Variants in TFAP2C observed in about 807,000 individuals in gnomAD.
TFAP2C encodes transcription factor AP-2 gamma, also known as activating enhancer-binding protein 2 gamma.
A neutral mutation model predicts 42.9 loss-of-function variants in TFAP2C; 9 were observed. The observed-to-expected ratio is 0.21, with a 90% CI of 0.13 to 0.37. TFAP2C has a LOEUF of 0.37. TFAP2C is among the 10% of genes least tolerant of loss of function. TFAP2C has a pLI of 1.00. For missense variants in TFAP2C, 462 were observed against 591.7 expected (o/e 0.78, Z 2.27); for synonymous variants, 264 against 256.0 (o/e 1.03, Z -0.30).
In TFAP2C at chr20:56,630,648, T is replaced by C; in HGVS notation, c.49-557T>C. On this transcript the variant is annotated intron_variant, in intron 1 of 6. Coordinates refer to ENST00000201031, the MANE Select transcript of TFAP2C (RefSeq NM_003222.4). This position sits in a 1 kb window ranked among gnomAD's most constrained non-coding sequence, Gnocchi z 5.1. ...CAGGGCGGCGCAGGGTGGCGGGCCC[T>C]GCTTTCCGAGCGCCGCCCGCTCGGA... is the stretch of plus-strand genomic sequence containing the variant. 2.0e-6 allele frequency: 2 copies of C among 977,990 alleles called. No homozygotes were observed. Among genetic ancestry groups the C allele is most frequent in the Non-Finnish European group, 2.4e-6 (2 of 823,204 alleles). The allele number at this position is 977,990 out of a possible 1,614,324, so 60.6% of individuals were successfully genotyped here. A position where few individuals can be genotyped will look rare whatever the true frequency, so the allele number is the denominator to read the frequency against.
chr20:56,635,071 AC>A (rs754630810), intron 5 of TFAP2C, among the ~76,000 whole-genome samples: 1 of 152,172 alleles, frequency 6.6e-6, no homozygotes, highest in Non-Finnish European at 1.5e-5. Flanking sequence ...CCGTGGCAGT[AC>A]CCTCTTTTGA....
In TFAP2C at chr20:56,630,853, C is replaced by A. The variant is rs1242898953; in HGVS notation, c.49-352C>A. 3.0e-6 allele frequency: 3 copies of A among 985,266 alleles called. No homozygotes were observed. The highest frequency in any genetic ancestry group is 3.6e-6 in the Non-Finnish European group (3 of 829,914). The allele number at this position is 985,266 out of a possible 1,614,324, so 61.0% of individuals were successfully genotyped here. A position where few individuals can be genotyped will look rare whatever the true frequency, so the allele number is the denominator to read the frequency against. ...CCGGCTCCTTCGCCCCGGGCTCTGG[C>A]TCCTTCGCCCCGGGCTCCGGCCACG... On this transcript the variant is annotated intron_variant, in intron 1 of 6. Transcript: ENST00000201031. This position sits in a 1 kb window ranked among gnomAD's most constrained non-coding sequence, Gnocchi z 5.1.
Position 56,636,700 on chromosome 20 carries a change from A to G in TFAP2C, c.1013A>G (p.His338Arg), listed in dbSNP as rs754376944. 1.4e-5 allele frequency: 23 copies of G among 1,613,936 alleles called. No individual in the cohort carries two copies. Among genetic ancestry groups the G allele is most frequent in the Non-Finnish European group, 1.8e-5 (21 of 1,179,870 alleles). The change falls in exon 6 of 7, where the codon CAT becomes CGT. Residue 338 changes from histidine to arginine, a missense_variant. Transcript: ENST00000201031. ...KPVAEYLTRP[H>R]LGGRNEMAAR... ...GTGGCAGAATATTTAACCAGACCTCATCTTGGAGGACGAAATGAGATGGCA... is the reference window on the plus strand; with the variant it reads ...GTGGCAGAATATTTAACCAGACCTCGTCTTGGAGGACGAAATGAGATGGCA...
In TFAP2C at chr20:56,634,143, T is replaced by C; in HGVS notation, c.804-7T>C. 2 of 1,607,348 alleles carry C rather than the reference T, an allele frequency of 1.2e-6. No individual in the cohort carries two copies. Among genetic ancestry groups the C allele is most frequent in the Non-Finnish European group, 8.5e-7 (1 of 1,176,462 alleles). On this transcript the variant is annotated splice_polypyrimidine_tract_variant and splice_region_variant and intron_variant, in intron 4 of 6. Transcript: ENST00000201031. ...GAGTAGCCAGAGTCAATTTTTCTTT[T>C]TCTTAGAGCCAAATCGAAAAATGGA...
intron 6 of TFAP2C, 75 bp downstream of exon 6, chr20:56,636,829 G>A: frequency 6.8e-7 from 1 of 1,479,994 alleles, no homozygotes; most frequent in Non-Finnish European, 9.1e-7. Flanking sequence ...CCCCTCCACA[G>A]TCCCGATGGC....
chr20:56,633,029 G>T (rs1987521634), intron 3 of TFAP2C, among the ~76,000 whole-genome samples: 1 of 152,088 alleles, frequency 6.6e-6, no homozygotes, highest in Non-Finnish European at 1.5e-5. Context: ...TTTGAGACCA[G>T]CCTGGCTAAC....
chr20:56,635,047 G>A (rs377488480), intron 5 of TFAP2C, among the ~76,000 whole-genome samples: 90 of 152,362 alleles, frequency 5.9e-4, no homozygotes, highest in African/African-American at 2.0e-3. Flanking sequence ...GGAAGCCAAG[G>A]AGAAACGGGC....
rs1459743769 is a variant in TFAP2C, at chr20:56,629,586, C to T, written c.42C>T (p.Asp14=). 6.3e-6 allele frequency: 9 copies of T among 1,422,832 alleles called. No homozygotes were observed. The highest frequency in any genetic ancestry group is 8.3e-6 in the Non-Finnish European group (9 of 1,087,154). 88.1% of individuals were successfully genotyped at this position (1,422,832 alleles called of 1,614,324 possible). ...KITDNVKYEE[D]CEDRHDGSSN... is the part of the protein sequence containing the mutation. ...CCGATAATGTCAAGTACGAAGAGGA[C>T]TGCGAGGTGAGCTGGGGCTCCGGGG... Residue 14 remains aspartate, a synonymous_variant, in exon 1 of 7, where the codon GAC becomes GAT. Coordinates refer to ENST00000201031, the MANE Select transcript of TFAP2C (RefSeq NM_003222.4). The surrounding 1 kb of genome is among the most constrained non-coding windows in gnomAD (Gnocchi z 5.9).
Position 56,629,610 on chromosome 20 carries a change from G to C in TFAP2C, c.48+18G>C. 7.1e-7 allele frequency: 1 copy of C among 1,403,400 alleles called. No individual in the cohort carries two copies. Among genetic ancestry groups the C allele is most frequent in the Non-Finnish European group, 9.3e-7 (1 of 1,079,392 alleles). The allele number at this position is 1,403,400 out of a possible 1,614,324, so 86.9% of individuals were successfully genotyped here. A position where few individuals can be genotyped will look rare whatever the true frequency, so the allele number is the denominator to read the frequency against. On this transcript the variant is annotated intron_variant, in intron 1 of 6. Transcript: ENST00000201031. The surrounding 1 kb of genome is among the most constrained non-coding windows in gnomAD (Gnocchi z 5.9). Reference sequence around the variant, plus strand: ...ACTGCGAGGTGAGCTGGGGCTCCGGGGTGCAGCCCCGCCCCGCCGAGGACA... The same window carrying C: ...ACTGCGAGGTGAGCTGGGGCTCCGGCGTGCAGCCCCGCCCCGCCGAGGACA...
In TFAP2C at chr20:56,634,183, G is replaced by T; in HGVS notation, c.837G>T (p.Arg279=). 6.2e-7 allele frequency: 1 copy of T among 1,614,132 alleles called. No individual in the cohort carries two copies. Among genetic ancestry groups the T allele is most frequent in the Admixed American group, 1.7e-5 (1 of 60,008 alleles). Residue 279 remains arginine, a synonymous_variant, in exon 5 of 7, where the codon CGG becomes CGT. Coordinates refer to ENST00000201031, the MANE Select transcript of TFAP2C (RefSeq NM_003222.4). ...AKSKNGGRSL[R]EKLDKIGLNL... ...CGAAAAATGGAGGCCGGTCCTTGCG[G>T]GAGAAGTTGGACAAGATTGGGTTGA...
Position 56,630,910 on chromosome 20 carries a change from C to T in TFAP2C, c.49-295C>T. On this transcript the variant is annotated intron_variant, in intron 1 of 6. Coordinates refer to ENST00000201031, the MANE Select transcript of TFAP2C (RefSeq NM_003222.4). This position sits in a 1 kb window ranked among gnomAD's most constrained non-coding sequence, Gnocchi z 5.1. ...TCTGGCCCAAGACCCAGGGTTCGGA[C>T]TTGGCGCCTCCAAGCGCCTCGGGCT... is the stretch of plus-strand genomic sequence containing the variant. The T allele has an allele frequency of 1.0e-6, 1 of 985,432 alleles. No individual in the cohort carries two copies. Among genetic ancestry groups the T allele is most frequent in the Non-Finnish European group, 1.2e-6 (1 of 829,930 alleles). 61.0% of individuals were successfully genotyped at this position (985,432 alleles called of 1,614,324 possible).
chr20:56,630,346 G>T lies in TFAP2C; in HGVS notation c.48+754G>T. 1 of 452,596 alleles carries T rather than the reference G, an allele frequency of 2.2e-6. No homozygotes were observed. The highest frequency in any genetic ancestry group is 1.6e-5 in the South Asian group (1 of 63,224). 28.0% of individuals were successfully genotyped at this position (452,596 alleles called of 1,614,324 possible). A position where few individuals can be genotyped will look rare whatever the true frequency, so the allele number is the denominator to read the frequency against. ...CCCGCAGGCCCGGGCGCTTCCGCCA[G>T]GAGGCGACAGCGCCATGTTCCTCCA... On this transcript the variant is annotated intron_variant, in intron 1 of 6. Transcript: ENST00000201031. The surrounding 1 kb of genome is among the most constrained non-coding windows in gnomAD (Gnocchi z 5.1).
In TFAP2C at chr20:56,634,013, G is replaced by T. The variant is rs556780851; in HGVS notation, c.804-137G>T. The T allele has an allele frequency of 2.1e-5, 14 of 673,008 alleles. 1 individual carries two copies. The highest frequency in any genetic ancestry group is 1.4e-4 in the African/African-American group (8 of 55,840). The allele number at this position is 673,008 out of a possible 1,614,324, so 41.7% of individuals were successfully genotyped here. A position where few individuals can be genotyped will look rare whatever the true frequency, so the allele number is the denominator to read the frequency against. ...GGACCCTGCTATCACTTTTCATTATGGTTCACGTGATGTAGATAGTCTTTG... is the reference window on the plus strand; with the variant it reads ...GGACCCTGCTATCACTTTTCATTATTGTTCACGTGATGTAGATAGTCTTTG... On this transcript the variant is annotated intron_variant, in intron 4 of 6. Transcript: ENST00000201031.
Position 56,630,320 on chromosome 20 carries a change from G to A in TFAP2C, c.48+728G>A, listed in dbSNP as rs1009022730. On this transcript the variant is annotated intron_variant, in intron 1 of 6. Transcript: ENST00000201031. This position sits in a 1 kb window ranked among gnomAD's most constrained non-coding sequence, Gnocchi z 5.1. ...CTCCGGGCCCTGGAGGGCTGCCCCT[G>A]CCCGCAGGCCCGGGCGCTTCCGCCA... 3 of 418,288 alleles carry A rather than the reference G, an allele frequency of 7.2e-6. No homozygotes were observed. The highest frequency in any genetic ancestry group is 1.6e-5 in the South Asian group (1 of 60,748). The allele number at this position is 418,288 out of a possible 1,614,324, so 25.9% of individuals were successfully genotyped here.
chr20:56,636,487 C>T (rs1568753214), intron 5 of TFAP2C, 123 bp from the exon 6 acceptor site: 10 of 1,093,186 alleles, frequency 9.1e-6, no homozygotes, highest in Non-Finnish European at 1.1e-5. Flanking sequence ...GATCGGGCCA[C>T]TGCACTCCAG....
At position 56,631,259 on chromosome 20, in the gene TFAP2C, G is replaced by C. The variant is rs775607231; in HGVS notation, c.103G>C (p.Ala35Pro). The change falls in exon 2 of 7, where the codon GCC becomes CCC. Residue 35 changes from alanine to proline, a missense_variant. Ala to Pro is a conservative substitution (Grantham distance 27, BLOSUM62 -1). Transcript: ENST00000201031. The surrounding 1 kb of genome is among the most constrained non-coding windows in gnomAD (Gnocchi z 6.1). ...TCCGCGGGTCCCCCACCTCTCCTCCGCCGGGCAGCACCTCTACAGCCCCGC... is the reference window on the plus strand; with the variant it reads ...TCCGCGGGTCCCCCACCTCTCCTCCCCCGGGCAGCACCTCTACAGCCCCGC... ...GNPRVPHLSS[A>P]GQHLYSPAPP... 6 of 1,580,628 alleles carry C rather than the reference G, an allele frequency of 3.8e-6. No homozygotes were observed. The highest frequency in any genetic ancestry group is 5.2e-6 in the Non-Finnish European group (6 of 1,164,826).
rs1987472703 is a variant in TFAP2C at position 56,630,755 on chromosome 20, G to C, written c.49-450G>C. ...TTCCCGCGCCGCGCACTCTATCCGC[G>C]CCTGCCGCGCTGCCACCTCCAGCAG... is the stretch of plus-strand genomic sequence containing the variant. On this transcript the variant is annotated intron_variant, in intron 1 of 6. Transcript: ENST00000201031. The surrounding 1 kb of genome is among the most constrained non-coding windows in gnomAD (Gnocchi z 5.1). 5.1e-6 allele frequency: 5 copies of C among 985,164 alleles called. No individual in the cohort carries two copies. In the South Asian group the frequency reaches 1.4e-4, roughly 28 times the overall value. 61.0% of individuals were successfully genotyped at this position (985,164 alleles called of 1,614,324 possible). A position where few individuals can be genotyped will look rare whatever the true frequency, so the allele number is the denominator to read the frequency against.
rs1237707686 is a variant in TFAP2C at position 56,631,709 on chromosome 20, C to T, written c.534+19C>T. 6.2e-7 allele frequency: 1 copy of T among 1,600,110 alleles called. No individual in the cohort carries two copies. Among genetic ancestry groups the T allele is most frequent in the Non-Finnish European group, 8.5e-7 (1 of 1,172,928 alleles). On this transcript the variant is annotated intron_variant, in intron 2 of 6. Coordinates refer to ENST00000201031, the MANE Select transcript of TFAP2C (RefSeq NM_003222.4). This position sits in a 1 kb window ranked among gnomAD's most constrained non-coding sequence, Gnocchi z 6.1. ...GGTGCAGGTGAGCGGCGCTGCGGCTCCTGACCGGACCTGTTCACCCTACGG... is the reference window on the plus strand; with the variant it reads ...GGTGCAGGTGAGCGGCGCTGCGGCTTCTGACCGGACCTGTTCACCCTACGG...
chr20:56,632,512 A>G (rs1238551567), intron 3 of TFAP2C, among the ~76,000 whole-genome samples: 1 of 152,230 alleles, frequency 6.6e-6, no homozygotes, highest in Non-Finnish European at 1.5e-5. Context: ...TGGGAAATAG[A>G]GTAGGCCTAA....
Sources: gnomAD v4.1 joint callset for allele counts (sites outside exome capture counted in the v4.1 genomes callset) on GRCh38, gnomAD v4.1.1 for gene constraint, Gnocchi (gnomAD v3.1) non-coding constraint, MANE v1.5 for transcripts, NCBI Gene and HGNC (gene_info 2026-07-23, HGNC 2026-07-21) for gene names.